TRMT9B: variants seen among roughly 807,000 people sequenced by gnomAD.
TRMT9B encodes tRNA methyltransferase 9B (putative).
A neutral mutation model predicts 11.5 loss-of-function variants in TRMT9B; 16 were observed. The observed-to-expected ratio is 1.39, with a 90% CI of 0.94 to 2.11. TRMT9B has a LOEUF of 2.11. Ranked by LOEUF, TRMT9B falls within the 30% of genes most tolerant of loss-of-function variation. TRMT9B has a pLI of 0.00. For missense variants in TRMT9B, 941 were observed against 553.8 expected, an observed-to-expected ratio of 1.70 and a Z score of -7.02; for synonymous variants, 274 against 192.4, an observed-to-expected ratio of 1.42 and a Z score of -3.51.
intron 2 of TRMT9B, among the ~76,000 whole-genome samples, chr8:13,000,901 G>C (rs1809310053): frequency 6.6e-6 from 1 of 152,132 alleles, no homozygotes; most frequent in South Asian, 2.1e-4. Context: ...GAGATTCAAG[G>C]TTAGGAAATG....
intron 4 of TRMT9B, among the ~76,000 whole-genome samples, chr8:13,013,880 C>A (rs928968067): frequency 6.6e-6 from 1 of 152,140 alleles, no homozygotes; most frequent in South Asian, 2.1e-4. Context: ...ACCTGGAAGG[C>A]GGAGGGTGCA....
At chr8:12,981,764 T>A (rs1805434550) in intron 1 of TRMT9B, among the ~76,000 whole-genome samples, 1 of 151,980 alleles carries the variant, frequency 6.6e-6, no homozygotes, top group South Asian at 2.1e-4. Context: ...CACACCCGGC[T>A]ATTTTTCAAT....
At chr8:12,957,229 G>C (rs1204643250) in intron 1 of TRMT9B, among the ~76,000 whole-genome samples, 2 of 152,182 alleles carry the variant, frequency 1.3e-5, no homozygotes, top group Non-Finnish European at 2.9e-5. Context: ...AGAGAGGCAA[G>C]AAGTAGCAAC....
chr8:12,952,766 G>T (rs948856848), intron 1 of TRMT9B: 1 of 799,746 alleles, frequency 1.3e-6, no homozygotes, highest in Non-Finnish European at 1.5e-6. Flanking sequence ...GTTTGACGGA[G>T]TCTCTCTCTG....
Position 13,021,425 on chromosome 8 carries a change from C to A in TRMT9B, c.746C>A (p.Ser249Tyr). Residue 249 changes from serine to tyrosine, a missense_variant, in exon 5 of 5, where the codon TCC (serine) becomes TAC (tyrosine). By Grantham distance (144) the Ser-to-Tyr change is moderately radical (BLOSUM62 -2). Transcript: ENST00000524591. ...AGCACATTAGGAAAATCGTTTCGTT[C>A]CTGGTTTTTCTCCAGATCTTTGGAT... ...FYSTLGKSFR[S>Y]WFFSRSLDES... The A allele has an allele frequency of 6.2e-7, 1 of 1,613,994 alleles. No homozygotes were observed. Among genetic ancestry groups the A allele is most frequent in the Non-Finnish European group, 8.5e-7 (1 of 1,179,902 alleles).
At chr8:13,010,239 T>A in intron 3 of TRMT9B, 1 of 883,164 alleles carries the variant, frequency 1.1e-6, no homozygotes, top group South Asian at 5.2e-5. Context: ...TTGTATCTTT[T>A]GAATTTTGTA....
At chr8:13,000,476 G>A (rs918470090) in intron 2 of TRMT9B, among the ~76,000 whole-genome samples, 1 of 152,154 alleles carries the variant, frequency 6.6e-6, no homozygotes, top group African/African-American at 2.4e-5. Flanking sequence ...GCTGGAAATA[G>A]GCAGAGTTTG....
chr8:13,005,353 A>T (rs1810270760), intron 2 of TRMT9B, among the ~76,000 whole-genome samples: 1 of 152,122 alleles, frequency 6.6e-6, no homozygotes, highest in Admixed American at 6.6e-5. Flanking sequence ...ACAGAATAAG[A>T]CCTAGTATTT....
chr8:12,995,823 T>C (rs2954186), intron 2 of TRMT9B, among the ~76,000 whole-genome samples: 19,518 of 152,130 alleles, frequency 0.13, 1,839 homozygotes, highest in African/African-American at 0.27. Context: ...TTCAGAAAGA[T>C]TTTATTCTCT....
chr8:12,976,655 A>C (rs759873121), intron 1 of TRMT9B, among the ~76,000 whole-genome samples: 6 of 152,182 alleles, frequency 3.9e-5, no homozygotes, highest in Non-Finnish European at 8.8e-5. Context: ...TATTCAAAAG[A>C]TGTTACTGAA....
intron 1 of TRMT9B, among the ~76,000 whole-genome samples, chr8:12,970,331 T>A (rs115027515): frequency 1.6e-3 from 249 of 152,380 alleles, no homozygotes; most frequent in African/African-American, 5.8e-3. Context: ...ACTCTTATTT[T>A]CAAAGTAGCA....
chr8:13,012,969 T>G lies in TRMT9B; in HGVS notation c.328+112T>G. 2.4e-6 allele frequency: 3 copies of G among 1,270,342 alleles called. No homozygotes were observed. The South Asian group carries it at 7.2e-5, about 31-fold the overall frequency. 78.7% of individuals were successfully genotyped at this position (1,270,342 alleles called of 1,614,324 possible). On this transcript the variant is annotated intron_variant, in intron 4 of 4. Coordinates refer to ENST00000524591, the MANE Select transcript of TRMT9B (RefSeq NM_020844.3). The stretch of plus-strand genomic sequence containing the variant: ...GTGTAGAAATGTCAATGTAATTTAT[T>G]TTATCTAATTTAAAAAAATTGTTTC...
At chr8:12,984,609 A>C (rs1805953347) in intron 1 of TRMT9B, among the ~76,000 whole-genome samples, 1 of 152,166 alleles carries the variant, frequency 6.6e-6, no homozygotes, top group South Asian at 2.1e-4. Context: ...CGTATGTAAT[A>C]GCAGAGCAGT....
At chr8:12,986,437 A>G (rs1806320541) in intron 1 of TRMT9B, among the ~76,000 whole-genome samples, 2 of 152,194 alleles carry the variant, frequency 1.3e-5, no homozygotes, top group African/African-American at 4.8e-5. Context: ...TGCTGCCGTC[A>G]ATTATGGAAC....
chr8:12,955,548 G>A (rs1801186497), intron 1 of TRMT9B, among the ~76,000 whole-genome samples: 1 of 152,104 alleles, frequency 6.6e-6, no homozygotes, highest in South Asian at 2.1e-4. Flanking sequence ...GTCCTGCAAG[G>A]TGCAGCCTAT....
chr8:13,006,525 T>G, intron 3 of TRMT9B, 169 bp downstream of exon 3: 1 of 1,444,200 alleles, frequency 6.9e-7, no homozygotes, highest in South Asian at 1.5e-5. Flanking sequence ...GAGCCTTTGC[T>G]TTTCACATTG....
chr8:12,947,375 T>C lies in TRMT9B; in HGVS notation c.-200+1409T>C, dbSNP rs182389756. 2.6e-5 allele frequency among the ~76,000 whole-genome samples: 4 copies of C among 152,230 alleles called. No homozygotes were observed. The East Asian group carries it at 7.7e-4, about 29-fold the overall frequency. On this transcript the variant is annotated intron_variant, in intron 1 of 4. Coordinates refer to ENST00000524591, the MANE Select transcript of TRMT9B (RefSeq NM_020844.3). ...ATCATGCTAAACTAGCTAAAACCAC[T>C]AAAAAAATATGGGATGACTTGGAAA...
intron 4 of TRMT9B, among the ~76,000 whole-genome samples, chr8:13,017,519 C>T (rs1812946781): frequency 6.6e-6 from 1 of 152,030 alleles, no homozygotes; most frequent in Non-Finnish European, 1.5e-5. Flanking sequence ...ATTCTCACTT[C>T]CCATTTTAGA....
At chr8:12,993,799 G>A (rs1807831559) in intron 2 of TRMT9B, among the ~76,000 whole-genome samples, 1 of 152,240 alleles carries the variant, frequency 6.6e-6, no homozygotes, top group Non-Finnish European at 1.5e-5. Flanking sequence ...TGCTGTGATT[G>A]TGAAGAAGCA....
Sources: allele counts gnomAD v4.1 joint callset (sites outside exome capture counted in the v4.1 genomes callset), GRCh38; gene constraint gnomAD v4.1.1; transcripts MANE v1.5; gene names NCBI Gene and HGNC (gene_info 2026-07-23, HGNC 2026-07-21).